EYS: variants seen among roughly 807,000 people sequenced by gnomAD.
The protein encoded by EYS is EGF-like photoreceptor maintenance factor.
EYS carries 250 observed loss-of-function variants against 282.1 expected under a neutral mutation model. The observed-to-expected ratio is 0.89, with a 90% CI of 0.80 to 0.98. The LOEUF is 0.98. Among genes scored for constraint, EYS ranks in the 50% least tolerant of loss-of-function variants. EYS has a pLI of 0.00. For synonymous variants in EYS, 1,355 were observed against 1,282.9 expected, an observed-to-expected ratio of 1.06 and a Z score of -1.20; for missense variants, 4,016 against 3,709.0, an observed-to-expected ratio of 1.08 and a Z score of -2.15.
intron 26 of EYS, among the ~76,000 whole-genome samples, chr6:64,509,683 C>T (rs528884445): frequency 1.3e-5 from 2 of 151,988 alleles, no homozygotes; most frequent in African/African-American, 2.4e-5. Context: ...TATCAAGGGG[C>T]CTGAGTCTTT....
At chr6:64,160,673 T>C (rs1001253131) in intron 31 of EYS, among the ~76,000 whole-genome samples, 1 of 152,242 alleles carries the variant, frequency 6.6e-6, no homozygotes, top group Non-Finnish European at 1.5e-5. Context: ...CCTGCTTTAA[T>C]GCATCTTTGT....
At chr6:64,118,684 T>C (rs1370524472) in intron 31 of EYS, among the ~76,000 whole-genome samples, 3 of 151,908 alleles carry the variant, frequency 2.0e-5, no homozygotes, top group East Asian at 1.9e-4. Context: ...AATAGACAAA[T>C]AGGATTATAT....
At chr6:64,157,329 G>A (rs1055432661) in intron 31 of EYS, among the ~76,000 whole-genome samples, 3 of 152,104 alleles carry the variant, frequency 2.0e-5, no homozygotes, top group Non-Finnish European at 2.9e-5. Flanking sequence ...TTTTATAAGG[G>A]ATGTAGAGCA....
At chr6:64,093,682 C>A (rs1242860861) in intron 31 of EYS, among the ~76,000 whole-genome samples, 1 of 152,150 alleles carries the variant, frequency 6.6e-6, no homozygotes, top group Non-Finnish European at 1.5e-5. Flanking sequence ...TCTAGATATA[C>A]AATCATGTCA....
intron 33 of EYS, among the ~76,000 whole-genome samples, chr6:64,004,458 CTT>C (rs35421723): frequency 2.6e-4 from 39 of 148,934 alleles, no homozygotes; most frequent in Admixed American, 1.3e-3. Context: ...GTTTGAATCA[CTT>C]TTTTTTTTTA....
chr6:64,577,696 A>C (rs921263020), intron 26 of EYS, among the ~76,000 whole-genome samples: 1 of 152,060 alleles, frequency 6.6e-6, no homozygotes, highest in African/African-American at 2.4e-5. Context: ...CGACTTATCA[A>C]CTCTTGGCAG....
chr6:64,228,932 T>C (rs1766332729), intron 31 of EYS, among the ~76,000 whole-genome samples: 1 of 152,074 alleles, frequency 6.6e-6, no homozygotes, highest in African/African-American at 2.4e-5. Context: ...TAGAGGGTCA[T>C]TGCTAGTGTA....
chr6:65,483,289 T>C (rs944414714), intron 5 of EYS, among the ~76,000 whole-genome samples: 1 of 152,084 alleles, frequency 6.6e-6, no homozygotes, highest in Non-Finnish European at 1.5e-5. Context: ...TGAAATATGA[T>C]TGGCATGCTC....
chr6:63,806,131 A>C (rs1770901356), intron 37 of EYS, 59 bp downstream of exon 37: 1 of 1,393,802 alleles, frequency 7.2e-7, no homozygotes, highest in African/African-American at 1.5e-5. Context: ...GTCCCTGAGG[A>C]ATCTCTAAAG....
At chr6:64,225,026 C>G (rs1425540875) in intron 31 of EYS, among the ~76,000 whole-genome samples, 1 of 152,020 alleles carries the variant, frequency 6.6e-6, no homozygotes, top group Non-Finnish European at 1.5e-5. Context: ...TCTCCTGGGA[C>G]TCTGAATCTT....
chr6:64,797,752 TA>T (rs1482860151), intron 22 of EYS, among the ~76,000 whole-genome samples: 2 of 152,140 alleles, frequency 1.3e-5, no homozygotes, highest in South Asian at 4.1e-4. Flanking sequence ...TAAAATAGGT[TA>T]AAACTACAGT....
intron 22 of EYS, among the ~76,000 whole-genome samples, chr6:64,718,059 G>T (rs1271637739): frequency 1.3e-5 from 2 of 152,168 alleles, no homozygotes; most frequent in African/African-American, 4.8e-5. Context: ...AGTTAGTTCT[G>T]CTATAACAAT....
intron 35 of EYS, among the ~76,000 whole-genome samples, chr6:63,974,571 AAGATG>A (rs1224209705): frequency 6.6e-6 from 1 of 152,028 alleles, no homozygotes; most frequent in Non-Finnish European, 1.5e-5. Flanking sequence ...GAGAAAATTG[AAGATG>A]AGATTTTCTT....
chr6:64,405,154 G>A (rs1479644006), intron 28 of EYS, among the ~76,000 whole-genome samples: 1 of 152,022 alleles, frequency 6.6e-6, no homozygotes, highest in Non-Finnish European at 1.5e-5. Flanking sequence ...TCCCCCAACA[G>A]GCCCCAGTGT....
chr6:65,334,818 A>G, intron 11 of EYS, 162 bp downstream of exon 11: 1 of 609,184 alleles, frequency 1.6e-6, no homozygotes, highest in South Asian at 2.2e-5. Flanking sequence ...ATTATGTAAC[A>G]TAATATATAA....
intron 18 of EYS, among the ~76,000 whole-genome samples, chr6:64,889,502 C>T (rs575244129): frequency 2.4e-4 from 36 of 151,906 alleles, no homozygotes; most frequent in African/African-American, 5.8e-4. Flanking sequence ...GTTATTGTTG[C>T]GGGAAGTCAG....
chr6:65,251,171 T>C (rs534600582), intron 12 of EYS, among the ~76,000 whole-genome samples: 34 of 150,656 alleles, frequency 2.3e-4, no homozygotes, highest in African/African-American at 8.0e-4. Flanking sequence ...GTGGAAATAA[T>C]TAGGAATATT....
intron 12 of EYS, among the ~76,000 whole-genome samples, chr6:65,279,388 C>T (rs1768155565): frequency 6.6e-6 from 1 of 152,074 alleles, no homozygotes; most frequent in Non-Finnish European, 1.5e-5. Flanking sequence ...TAGCTTTCTA[C>T]TCACCATATC....
chr6:64,726,165 T>C (rs66663924), intron 22 of EYS, among the ~76,000 whole-genome samples: 16,264 of 151,762 alleles, frequency 0.11, 1,237 homozygotes, highest in East Asian at 0.35. Flanking sequence ...AGGGCCCAAT[T>C]CAAATCTCAC....
Sources: gnomAD v4.1 joint callset for allele counts (sites outside exome capture counted in the v4.1 genomes callset) on GRCh38, gnomAD v4.1.1 for gene constraint, MANE v1.5 for transcripts, NCBI Gene and HGNC (gene_info 2026-07-23, HGNC 2026-07-21) for gene names.